The following TXNDC8 variants were observed in gnomAD, a reference collection of about 807,000 sequenced individuals.
The protein encoded by TXNDC8 is thioredoxin domain containing 8, also known as thioredoxin domain-containing protein 8.
Under a neutral mutation model 12.9 loss-of-function variants are expected in TXNDC8, and 15 were observed. That is an observed-to-expected ratio of 1.16 (90% CI 0.78 to 1.79). TXNDC8 has a LOEUF of 1.79. Ranked by LOEUF, TXNDC8 falls within the 40% of genes most tolerant of loss-of-function variation. The pLI is 0.00. For missense variants in TXNDC8, 128 were observed against 113.2 expected (o/e 1.13, Z -0.59); for synonymous variants, 40 against 35.4 (o/e 1.13, Z -0.46).
chr9:110,323,730 C>A, intron 3 of TXNDC8: 1 of 961,286 alleles, frequency 1.0e-6, no homozygotes, highest in Non-Finnish European at 1.5e-6. Flanking sequence ...AGGGTGCAGT[C>A]AATGCCATTA....
intron 3 of TXNDC8, among the ~76,000 whole-genome samples, chr9:110,306,268 AACAATTCTGGTGGCTTTAGGGG>A (rs1217965998): frequency 3.3e-5 from 5 of 152,170 alleles, no homozygotes; most frequent in African/African-American, 1.2e-4. Flanking sequence ...TTTTCATGTT[AACAATTCTGGTGGCTTTAGGGG>A]ACAAGTTTGC....
At chr9:110,329,187 G>A (rs1187409179) in intron 2 of TXNDC8, 45 bp downstream of exon 3, 1 of 1,516,898 alleles carries the variant, frequency 6.6e-7, no homozygotes. Context: ...CAATTACAAT[G>A]CCTTTGGATT....
At chr9:110,332,595 T>C (rs1468129111) in intron 2 of TXNDC8, among the ~76,000 whole-genome samples, 1 of 152,022 alleles carries the variant, frequency 6.6e-6, no homozygotes, top group Non-Finnish European at 1.5e-5. Flanking sequence ...TTTGAAGGAA[T>C]AAACTTTACA....
rs535294167 is a variant in TXNDC8, at chr9:110,331,613, G to A, written c.129+2603C>T. Among the ~76,000 whole-genome samples, 3 of 152,094 alleles carry A rather than the reference G, an allele frequency of 2.0e-5. 1 individual carries two copies. The South Asian group carries it at 6.2e-4, about 32-fold the overall frequency. ...GTCATCTAACCTTTTTGATACCAGG[G>A]ACCAGTTTCATGGAAGACATTTTTT... On this transcript the variant is annotated intron_variant, in intron 2 of 4. Coordinates refer to ENST00000423740, the MANE Select transcript of TXNDC8 (RefSeq NM_001286946.2).
chr9:110,308,852 A>G (rs1838555939), intron 3 of TXNDC8, among the ~76,000 whole-genome samples: 1 of 152,192 alleles, frequency 6.6e-6, no homozygotes, highest in Non-Finnish European at 1.5e-5. Context: ...GAGTTTCAAG[A>G]GTCATGGGCA....
At chr9:110,337,562 A>G (rs1029454898) in intron 1 of TXNDC8, among the ~76,000 whole-genome samples, 3 of 152,204 alleles carry the variant, frequency 2.0e-5, no homozygotes, top group Non-Finnish European at 4.4e-5. Context: ...AGGAGGAAGA[A>G]AGCCCTTCTT....
At chr9:110,330,425 G>A (rs978675124) in intron 2 of TXNDC8, among the ~76,000 whole-genome samples, 1 of 152,188 alleles carries the variant, frequency 6.6e-6, no homozygotes, top group African/African-American at 2.4e-5. Context: ...AGTTTGTTAA[G>A]TTATAACACA....
chr9:110,311,350 TA>T (rs1243274302), intron 3 of TXNDC8, among the ~76,000 whole-genome samples: 2 of 151,374 alleles, frequency 1.3e-5, no homozygotes, highest in African/African-American at 4.8e-5. Flanking sequence ...TATTTTTCAA[TA>T]AAAATATATT....
intron 3 of TXNDC8, among the ~76,000 whole-genome samples, chr9:110,317,956 C>T (rs1838947380): frequency 6.6e-6 from 1 of 152,212 alleles, no homozygotes; most frequent in Non-Finnish European, 1.5e-5. Context: ...ATGGACCATG[C>T]CATGCTGGCG....
chr9:110,337,863 T>C lies in TXNDC8; in HGVS notation c.-67A>G. ...TAGTTGGATCACTGTAGCTGTCTCC[T>C]ATTTATTACAGTATCCTGCCTGGAA... On this transcript the variant is annotated 5_prime_UTR_variant, in exon 1 of 5. Transcript: ENST00000423740. The C allele has an allele frequency of 2.1e-6, 3 of 1,461,022 alleles. No homozygotes were observed. In the East Asian group the frequency reaches 6.9e-5, roughly 33 times the overall value. The allele number at this position is 1,461,022 out of a possible 1,614,324, so 90.5% of individuals were successfully genotyped here.
At chr9:110,329,244 C>A in intron 2 of TXNDC8, 1 of 1,611,922 alleles carries the variant, frequency 6.2e-7, no homozygotes, top group Non-Finnish European at 8.5e-7. Flanking sequence ...GAGAATTGTT[C>A]ACATCCACAT....
chr9:110,321,365 G>A (rs552802056), intron 3 of TXNDC8, among the ~76,000 whole-genome samples: 91 of 152,172 alleles, frequency 6.0e-4, no homozygotes, highest in Non-Finnish European at 1.1e-3. Flanking sequence ...ATGCTTTCAA[G>A]GGAGGTGAGT....
At chr9:110,305,141 C>G (rs941815002) in intron 3 of TXNDC8, among the ~76,000 whole-genome samples, 1 of 93,096 alleles carries the variant, frequency 1.1e-5, no homozygotes, top group African/African-American at 4.4e-5. Flanking sequence ...GAGAGAGATT[C>G]TGTCTCAAAA....
At chr9:110,313,723 A>C (rs532471824) in intron 3 of TXNDC8, among the ~76,000 whole-genome samples, 11 of 152,154 alleles carry the variant, frequency 7.2e-5, no homozygotes, top group South Asian at 2.1e-4. Context: ...TAACAAACAA[A>C]CAACCAAAAT....
chr9:110,315,008 G>GAATC (rs1838831023), intron 3 of TXNDC8, among the ~76,000 whole-genome samples: 1 of 152,164 alleles, frequency 6.6e-6, no homozygotes, highest in Non-Finnish European at 1.5e-5. Context: ...GATCAGTTTT[G>GAATC]AAGTCTTTTA....
Position 110,322,766 on chromosome 9 carries a change from A to T in TXNDC8, c.195+3409T>A, listed in dbSNP as rs961065456. ...AGGTTGGTACCAGGACAGAATCAGGAGGAGAGGCTGAGCTGGCAGTGGGAT... is the reference window on the plus strand; with the variant it reads ...AGGTTGGTACCAGGACAGAATCAGGTGGAGAGGCTGAGCTGGCAGTGGGAT... On this transcript the variant is annotated intron_variant, in intron 3 of 4. Coordinates refer to ENST00000423740, the MANE Select transcript of TXNDC8 (RefSeq NM_001286946.2). The T allele has an allele frequency of 2.6e-5, 26 of 985,570 alleles. No homozygotes were observed. The African/African-American group carries it at 4.2e-4, about 16-fold the overall frequency. The allele number at this position is 985,570 out of a possible 1,614,324, so 61.1% of individuals were successfully genotyped here.
At chr9:110,327,516 GT>G (rs1199509764) in intron 2 of TXNDC8, among the ~76,000 whole-genome samples, 1 of 151,802 alleles carries the variant, frequency 6.6e-6, no homozygotes, top group Non-Finnish European at 1.5e-5. Flanking sequence ...AGAGATGGGG[GT>G]TCGCCACGTT....
intron 2 of TXNDC8, among the ~76,000 whole-genome samples, chr9:110,327,320 C>CTA (rs113757769): frequency 0.032 from 4,136 of 128,570 alleles, 72 homozygotes; most frequent in Non-Finnish European, 0.049. Context: ...AATGTTTATA[C>CTA]TATATATTTT....
At chr9:110,320,539 G>A (rs2118800866) in intron 3 of TXNDC8, among the ~76,000 whole-genome samples, 1 of 152,256 alleles carries the variant, frequency 6.6e-6, no homozygotes, top group Middle Eastern at 3.4e-3. Context: ...CATGAGAACG[G>A]ATTAATACAA....
Sources: allele counts gnomAD v4.1 joint callset (sites outside exome capture counted in the v4.1 genomes callset), GRCh38; gene constraint gnomAD v4.1.1; transcripts MANE v1.5; gene names NCBI Gene and HGNC (gene_info 2026-07-23, HGNC 2026-07-21).